ZNF25: variants seen among roughly 807,000 people sequenced by gnomAD.
ZNF25 encodes the protein zinc finger protein 25 (KOX 19).
A neutral mutation model predicts 30.9 loss-of-function variants in ZNF25; 21 were observed. The observed-to-expected ratio is 0.68, with a 90% confidence interval of 0.48 to 0.98. The LOEUF is 0.98. Among genes scored for constraint, ZNF25 ranks in the 50% least tolerant of loss-of-function variants. ZNF25 has a pLI of 0.00. For missense variants in ZNF25, 501 were observed against 529.9 expected (o/e 0.95, Z 0.54); for synonymous variants, 169 against 181.3 (o/e 0.93, Z 0.55).
At position 37,957,493 on chromosome 10, in the gene ZNF25, C is replaced by G; in HGVS notation, c.69G>C (p.Lys23Asn). 1 of 1,613,928 alleles carries G rather than the reference C, an allele frequency of 6.2e-7. No homozygotes were observed. Among genetic ancestry groups the G allele is most frequent in the Middle Eastern group, 1.7e-4 (1 of 6,060 alleles). ...GAGTCCTCTGAGCAGGGGTCAGTAA[C>G]TTCCATTCTTCCTTGGTGAATTCCA... ...VIVEFTKEEW[K>N]LLTPAQRTLY... The change falls in exon 3 of 6, where the codon AAG becomes AAC. Residue 23 changes from lysine to asparagine, a missense_variant. By Grantham distance (94) the Lys-to-Asn change is moderately conservative. Transcript: ENST00000302609.
chr10:37,970,842 C>T (rs76328365), intron 2 of ZNF25, among the ~76,000 whole-genome samples: 9,105 of 152,162 alleles, frequency 0.06, 351 homozygotes, highest in Middle Eastern at 0.095. Flanking sequence ...GGCTCTCTCT[C>T]TAATTCAGGA....
Position 37,971,790 on chromosome 10 carries a change from G to A in ZNF25, c.-68C>T, listed in dbSNP as rs1334301810. The A allele has an allele frequency of 1.2e-6, 2 of 1,608,562 alleles. No homozygotes were observed. Among genetic ancestry groups the A allele is most frequent in the African/African-American group, 2.7e-5 (2 of 74,788 alleles). On this transcript the variant is annotated 5_prime_UTR_variant, in exon 2 of 6. Coordinates refer to ENST00000302609, the MANE Select transcript of ZNF25 (RefSeq NM_145011.4). ...GCAGAAATCATAAGGGACCTTAGCTGGCAGCCCCAGGAATCACCTGTGAGA... is the reference window on the plus strand; with the variant it reads ...GCAGAAATCATAAGGGACCTTAGCTAGCAGCCCCAGGAATCACCTGTGAGA...
At chr10:37,957,678 G>A (rs771371056) in intron 2 of ZNF25, 132 bp from the exon 3 acceptor site, 142 of 962,674 alleles carry the variant, frequency 1.5e-4, no homozygotes, top group Non-Finnish European at 1.9e-4. Context: ...TTGCCATGCT[G>A]TACCCTGCTT....
chr10:37,966,604 G>C (rs2063204086), intron 2 of ZNF25, among the ~76,000 whole-genome samples: 1 of 152,026 alleles, frequency 6.6e-6, no homozygotes, highest in South Asian at 2.1e-4. Flanking sequence ...AGGGCAAAGG[G>C]GGAAGTGCTA....
intron 2 of ZNF25, among the ~76,000 whole-genome samples, chr10:37,966,791 A>G (rs2063212588): frequency 6.6e-6 from 1 of 152,208 alleles, no homozygotes; most frequent in South Asian, 2.1e-4. Context: ...GGAGGAATTA[A>G]AGGAAAATAT....
intron 2 of ZNF25, among the ~76,000 whole-genome samples, chr10:37,964,042 T>C (rs2063045056): frequency 6.6e-6 from 1 of 152,164 alleles, no homozygotes; most frequent in Non-Finnish European, 1.5e-5. Flanking sequence ...TTGCTCCCAC[T>C]GTCACTATGT....
rs4007126 is a variant in ZNF25, at chr10:37,971,630, A to AACACACACAC, written c.15+68_15+77dup. On this transcript the variant is annotated intron_variant, in intron 2 of 5. Transcript: ENST00000302609. Reference sequence around the variant, plus strand: ...GGGCTCTCGTTCATAAAACTCATTAAACACACACACACACACACACACACA... The same window carrying AACACACACAC: ...GGGCTCTCGTTCATAAAACTCATTAAACACACACACACACACACACACACACACACACACA... The AACACACACAC allele has an allele frequency of 3.2e-4, 447 of 1,389,446 alleles. 1 individual carries two copies. The East Asian group carries it at 4.1e-3, about 13-fold the overall frequency. 86.1% of individuals were successfully genotyped at this position (1,389,446 alleles called of 1,614,324 possible). A position where few individuals can be genotyped will look rare whatever the true frequency, so the allele number is the denominator to read the frequency against.
chr10:37,954,962 T>C (rs1014072163), intron 4 of ZNF25, among the ~76,000 whole-genome samples: 3 of 152,082 alleles, frequency 2.0e-5, no homozygotes, highest in Non-Finnish European at 4.4e-5. Flanking sequence ...GAGACCAGCC[T>C]GACCAACATG....
intron 1 of ZNF25, among the ~76,000 whole-genome samples, chr10:37,974,561 A>G (rs530297163): frequency 2.1e-4 from 32 of 152,330 alleles, no homozygotes; most frequent in African/African-American, 7.5e-4. Flanking sequence ...CAAAACCATA[A>G]TGGGATATCA....
chr10:37,952,961 A>T lies in ZNF25; in HGVS notation c.537T>A (p.Cys179Ter). 1 of 1,614,144 alleles carries T rather than the reference A, an allele frequency of 6.2e-7. No homozygotes were observed. The highest frequency in any genetic ancestry group is 8.5e-7 in the Non-Finnish European group (1 of 1,180,020). Reference protein sequence around the residue: ...TRDKTYECKECKKIFYHLSSL... With the variant: ...TRDKTYECKE Reference sequence around the variant, plus strand: ...ATGATAGGTGGTAAAATATTTTCTTACATTCTTTACACTCATAGGTTTTAT... The same window carrying T: ...ATGATAGGTGGTAAAATATTTTCTTTCATTCTTTACACTCATAGGTTTTAT... The change falls in exon 6 of 6, where the codon TGT becomes TGA. Residue 179 changes from cysteine to a stop codon, truncating the protein, a stop_gained. Coordinates refer to ENST00000302609, the MANE Select transcript of ZNF25 (RefSeq NM_145011.4). LOFTEE classifies it high-confidence loss of function.
At chr10:37,958,252 T>C (rs532756399) in intron 2 of ZNF25, among the ~76,000 whole-genome samples, 41 of 152,206 alleles carry the variant, frequency 2.7e-4, no homozygotes, top group Non-Finnish European at 4.9e-4. Context: ...GGTAATTATT[T>C]GCATTTCATA....
chr10:37,961,248 T>G (rs1260632261), intron 2 of ZNF25, among the ~76,000 whole-genome samples: 1 of 152,230 alleles, frequency 6.6e-6, no homozygotes, highest in Non-Finnish European at 1.5e-5. Context: ...GGACATTTTA[T>G]TCGTTGAAAT....
intron 1 of ZNF25, among the ~76,000 whole-genome samples, chr10:37,973,858 T>C (rs1014491516): frequency 1.3e-5 from 2 of 152,096 alleles, no homozygotes; most frequent in South Asian, 2.1e-4. Context: ...GGTGGAGGCA[T>C]TGTACTACCA....
At chr10:37,973,460 A>C (rs1004611120) in intron 1 of ZNF25, among the ~76,000 whole-genome samples, 1 of 151,736 alleles carries the variant, frequency 6.6e-6, no homozygotes, top group African/African-American at 2.4e-5. Flanking sequence ...CACTAAAAAT[A>C]CAAAAAAAAT....
At chr10:37,956,911 G>A in intron 4 of ZNF25, 109 bp downstream of exon 4, 1 of 647,512 alleles carries the variant, frequency 1.5e-6, no homozygotes, top group Admixed American at 3.7e-5. Flanking sequence ...GTGAAACTCT[G>A]TTTCAAAAAA....
Position 37,957,485 on chromosome 10 carries a change from G to T in ZNF25, c.77C>A (p.Thr26Asn). Residue 26 changes from threonine to asparagine, a missense_variant, in exon 3 of 6, where the codon ACC (threonine) becomes AAC (asparagine). Thr to Asn is a moderately conservative substitution (Grantham distance 65). Transcript: ENST00000302609. ...CTTATACAGAGTCCTCTGAGCAGGGGTCAGTAACTTCCATTCTTCCTTGGT... is the reference window on the plus strand; with the variant it reads ...CTTATACAGAGTCCTCTGAGCAGGGTTCAGTAACTTCCATTCTTCCTTGGT... The part of the protein sequence containing the change: ...EFTKEEWKLL[T>N]PAQRTLYKDV... The T allele has an allele frequency of 2.5e-6, 4 of 1,613,884 alleles. No homozygotes were observed. The highest frequency in any genetic ancestry group is 3.4e-6 in the Non-Finnish European group (4 of 1,179,910).
intron 4 of ZNF25, 92 bp downstream of exon 4, chr10:37,956,928 A>AC (rs952693284): frequency 1.1e-6 from 1 of 927,364 alleles, no homozygotes; most frequent in African/African-American, 1.7e-5. Flanking sequence ...AAAAAAAAAA[A>AC]AAAAAAGTGA....
intron 2 of ZNF25, among the ~76,000 whole-genome samples, chr10:37,960,257 A>T (rs1166243476): frequency 6.6e-6 from 1 of 152,116 alleles, no homozygotes; most frequent in African/African-American, 2.4e-5. Context: ...TACACATATG[A>T]GTAAGTTTCC....
rs1202456011 is a variant in ZNF25, at chr10:37,949,736, C to T, written c.*2391G>A. 2 of 152,412 alleles carry T rather than the reference C, an allele frequency of 1.3e-5. No homozygotes were observed. The highest frequency in any genetic ancestry group is 4.8e-5 in the African/African-American group (2 of 41,388). 9.4% of individuals were successfully genotyped at this position (152,412 alleles called of 1,614,324 possible). A position where few individuals can be genotyped will look rare whatever the true frequency, so the allele number is the denominator to read the frequency against. The stretch of plus-strand genomic sequence containing the variant: ...GTTTTTTGTTATTGGGTTACGTTAG[C>T]TAAGTATGACTTACCAATGGTATCT... On this transcript the variant is annotated 3_prime_UTR_variant, in exon 6 of 6. Coordinates refer to ENST00000302609, the MANE Select transcript of ZNF25 (RefSeq NM_145011.4).
Sources: allele counts gnomAD v4.1 joint callset (sites outside exome capture counted in the v4.1 genomes callset), GRCh38; gene constraint gnomAD v4.1.1; transcripts MANE v1.5; gene names NCBI Gene and HGNC (gene_info 2026-07-23, HGNC 2026-07-21).